The following LRBA variants were observed in gnomAD, a reference collection of about 807,000 sequenced individuals.
LRBA encodes lipopolysaccharide-responsive and beige-like anchor protein.
A neutral mutation model predicts 330.0 loss-of-function variants in LRBA; 176 were observed. The observed-to-expected ratio is 0.53, with a 90% CI of 0.47 to 0.60. LRBA has a LOEUF of 0.60. Ranked by LOEUF, LRBA falls within the 20% of genes least tolerant of loss-of-function variation. The pLI is 0.00. For missense variants in LRBA, 3,259 were observed against 3,444.8 expected (o/e 0.95, Z 1.35); for synonymous variants, 1,230 against 1,193.0 (o/e 1.03, Z -0.64).
chr4:150,857,175 T>G (rs1336155856), intron 22 of LRBA, among the ~76,000 whole-genome samples: 1 of 152,140 alleles, frequency 6.6e-6, no homozygotes, highest in Admixed American at 6.5e-5. Flanking sequence ...ATAAATAAGA[T>G]ATATCTTTAA....
intron 44 of LRBA, among the ~76,000 whole-genome samples, chr4:150,454,104 G>C (rs1463604491): frequency 6.6e-6 from 1 of 152,056 alleles, no homozygotes; most frequent in Non-Finnish European, 1.5e-5. Flanking sequence ...GGGATTACAG[G>C]CACGCACCAC....
Position 150,583,762 on chromosome 4 carries a change from G to T in LRBA, c.6330+4286C>A, listed in dbSNP as rs760163661. 1.9e-6 allele frequency: 3 copies of T among 1,613,912 alleles called. No homozygotes were observed. ...GGCGGAGAACCGCCTGCTGATGGGC[G>T]GCTGCCGAAACAAGTGCCTCTCAGT... On this transcript the variant is annotated intron_variant, in intron 40 of 56. Coordinates refer to ENST00000651943, the MANE Select transcript of LRBA (RefSeq NM_001364905.1). The surrounding 1 kb of genome is among the most constrained non-coding windows in gnomAD (Gnocchi z 9.8).
chr4:150,626,659 G>T (rs1475439580), intron 37 of LRBA, among the ~76,000 whole-genome samples: 1 of 151,916 alleles, frequency 6.6e-6, no homozygotes, highest in Non-Finnish European at 1.5e-5. Flanking sequence ...CTAGACTTTA[G>T]AAATTAAATA....
chr4:150,604,979 C>T (rs528098236), intron 37 of LRBA, among the ~76,000 whole-genome samples: 2 of 152,210 alleles, frequency 1.3e-5, no homozygotes, highest in East Asian at 1.9e-4. Context: ...TAGGAAGATG[C>T]TTGGTTGTCA....
intron 40 of LRBA, among the ~76,000 whole-genome samples, chr4:150,544,129 T>G (rs577626193): frequency 6.8e-6 from 1 of 147,210 alleles, no homozygotes; most frequent in Admixed American, 6.7e-5. Flanking sequence ...CTTCCTTTCT[T>G]TTTTTTTTTT....
At chr4:150,938,863 T>C (rs955519256) in intron 2 of LRBA, among the ~76,000 whole-genome samples, 4 of 152,202 alleles carry the variant, frequency 2.6e-5, no homozygotes, top group Non-Finnish European at 5.9e-5. Context: ...CTCTGTTCTA[T>C]CAGTTAAAAG....
intron 36 of LRBA, among the ~76,000 whole-genome samples, chr4:150,702,788 C>T (rs1785238617): frequency 1.3e-5 from 2 of 152,196 alleles, no homozygotes; most frequent in Admixed American, 6.5e-5. Flanking sequence ...CAACTCAACC[C>T]TTAAAAAAAA....
intron 42 of LRBA, among the ~76,000 whole-genome samples, chr4:150,478,161 G>T (rs1286954815): frequency 6.6e-6 from 1 of 151,974 alleles, no homozygotes; most frequent in Non-Finnish European, 1.5e-5. Context: ...CCCTCTCATG[G>T]CTTCAAATTT....
chr4:150,448,141 T>C (rs1416071754), intron 44 of LRBA, among the ~76,000 whole-genome samples: 8 of 152,178 alleles, frequency 5.3e-5, no homozygotes, highest in African/African-American at 1.9e-4. Context: ...CAAAATAGCC[T>C]AGGACACCTT....
At chr4:150,994,576 T>C (rs1742440295) in intron 2 of LRBA, among the ~76,000 whole-genome samples, 1 of 152,034 alleles carries the variant, frequency 6.6e-6, no homozygotes, top group African/African-American at 2.4e-5. Context: ...AAAAATCTGA[T>C]GGAGTTAATG....
chr4:150,533,849 A>G (rs1303738206), intron 40 of LRBA, among the ~76,000 whole-genome samples: 1 of 152,178 alleles, frequency 6.6e-6, no homozygotes, highest in Non-Finnish European at 1.5e-5. Context: ...TAAGAGTCAT[A>G]GAGATCACAG....
At chr4:150,621,568 C>T (rs1776293516) in intron 37 of LRBA, among the ~76,000 whole-genome samples, 2 of 152,164 alleles carry the variant, frequency 1.3e-5, no homozygotes, top group Admixed American at 6.5e-5. Flanking sequence ...TCTCAGTCTC[C>T]TTTTCAATAA....
At chr4:151,014,910 GT>G in intron 1 of LRBA, 49 bp from the exon 2 acceptor site, 1 of 392,824 alleles carries the variant, frequency 2.5e-6, no homozygotes, top group East Asian at 3.9e-5. Context: ...TTGTTTTAGG[GT>G]TTTGAGGGGA....
chr4:150,487,461 C>T (rs1012307918), intron 42 of LRBA, among the ~76,000 whole-genome samples: 1 of 151,346 alleles, frequency 6.6e-6, no homozygotes, highest in African/African-American at 2.4e-5. Flanking sequence ...CTGCTAGACA[C>T]CATACCCTAT....
chr4:150,699,602 C>T lies in LRBA; in HGVS notation c.5755-15885G>A, dbSNP rs535006200. Among the ~76,000 whole-genome samples the T allele has an allele frequency of 4.6e-5, 7 of 152,218 alleles. No homozygotes were observed. In the South Asian group the frequency reaches 1.5e-3, roughly 32 times the overall value. On this transcript the variant is annotated intron_variant, in intron 36 of 56. Coordinates refer to ENST00000651943, the MANE Select transcript of LRBA (RefSeq NM_001364905.1). ...AGAGATTACTTGAAGAAAAAAATAG[C>T]TGTTATTAAACACTTAATATGGATT... is the stretch of plus-strand genomic sequence containing the variant.
At chr4:150,901,306 A>AT (rs35942639) in intron 13 of LRBA, among the ~76,000 whole-genome samples, 2 of 151,764 alleles carry the variant, frequency 1.3e-5, no homozygotes, top group African/African-American at 4.9e-5. Context: ...AAAAAAACAA[A>AT]TTTTTTTTCA....
At chr4:150,373,665 C>T (rs140801697) in intron 47 of LRBA, among the ~76,000 whole-genome samples, 1 of 152,154 alleles carries the variant, frequency 6.6e-6, no homozygotes, top group Non-Finnish European at 1.5e-5. Flanking sequence ...ATCATATTTC[C>T]TTCAGTAGCT....
At chr4:150,809,852 TACG>T (rs1743364772) in intron 31 of LRBA, among the ~76,000 whole-genome samples, 1 of 7,880 alleles carries the variant, frequency 1.3e-4, no homozygotes, top group Non-Finnish European at 3.3e-4. Flanking sequence ...TGTCTTAAAA[TACG>T]ATACGATACG....
chr4:150,554,581 G>C (rs1345983954), intron 40 of LRBA, among the ~76,000 whole-genome samples: 1 of 152,058 alleles, frequency 6.6e-6, no homozygotes, highest in Non-Finnish European at 1.5e-5. Flanking sequence ...AATGAAAATT[G>C]ACAATAAAGA....
Sources: allele counts gnomAD v4.1 joint callset (sites outside exome capture counted in the v4.1 genomes callset), GRCh38; gene constraint gnomAD v4.1.1; non-coding constraint Gnocchi (gnomAD v3.1); transcripts MANE v1.5; gene names NCBI Gene and HGNC (gene_info 2026-07-23, HGNC 2026-07-21).